EPHA7: variants seen among roughly 807,000 people sequenced by gnomAD.
The protein encoded by EPHA7 is ephrin type-A receptor 7.
Under a neutral mutation model 112.6 loss-of-function variants are expected in EPHA7, and 25 were observed. The ratio of observed to expected loss-of-function variants is 0.22; its 90% CI spans 0.16 to 0.31. The LOEUF (loss-of-function observed/expected upper bound fraction) is 0.31. Ranked by LOEUF, EPHA7 falls within the 10% of genes least tolerant of loss-of-function variation. EPHA7 has a pLI of 1.00. For missense variants in EPHA7, 962 were observed against 1,212.6 expected (o/e 0.79, Z 3.07); for synonymous variants, 437 against 406.5 (o/e 1.07, Z -0.90).
At chr6:93,396,694 C>T (rs1778190801) in intron 3 of EPHA7, among the ~76,000 whole-genome samples, 2 of 151,778 alleles carry the variant, frequency 1.3e-5, no homozygotes, top group African/African-American at 4.8e-5. Context: ...TGTAACTCAG[C>T]TCTAAAGTAC....
At chr6:93,377,065 T>G (rs551509062) in intron 3 of EPHA7, among the ~76,000 whole-genome samples, 1 of 152,340 alleles carries the variant, frequency 6.6e-6, no homozygotes, top group Non-Finnish European at 1.5e-5. Flanking sequence ...ATATAATTTC[T>G]AACTCTCCAG....
At chr6:93,246,413 TTAAA>T (rs1390649217) in intron 15 of EPHA7, among the ~76,000 whole-genome samples, 2 of 152,262 alleles carry the variant, frequency 1.3e-5, no homozygotes, top group Non-Finnish European at 2.9e-5. Flanking sequence ...AGCAAAACAG[TTAAA>T]TAGATACTAT....
At chr6:93,290,938 A>G (rs542502026) in intron 5 of EPHA7, among the ~76,000 whole-genome samples, 1 of 152,306 alleles carries the variant, frequency 6.6e-6, no homozygotes, top group South Asian at 2.1e-4. Context: ...AACAAAAAAT[A>G]CAGCTGCAAA....
At position 93,311,114 on chromosome 6, in the gene EPHA7, A is replaced by ATTTTTTTTTTTTTTTTTTTTTTTTT. The variant is rs71542009; in HGVS notation, c.1325-38717_1325-38693dup. On this transcript the variant is annotated intron_variant, in intron 5 of 16. Coordinates refer to ENST00000369303, the MANE Select transcript of EPHA7 (RefSeq NM_004440.4). ...ACAGGCATGTGCATCATGCCCAGCT[A>ATTTTTTTTTTTTTTTTTTTTTTTTT]TTTTTTTTTTTTTTTTTTTTTTTTT... Among the ~76,000 whole-genome samples the ATTTTTTTTTTTTTTTTTTTTTTTTT allele has an allele frequency of 7.6e-5, 6 of 78,510 alleles. 1 individual carries two copies. The highest frequency in any genetic ancestry group is 1.8e-4 in the African/African-American group (3 of 17,022). 51.5% of individuals were successfully genotyped at this position (78,510 alleles called of 152,430 possible). A position where few individuals can be genotyped will look rare whatever the true frequency, so the allele number is the denominator to read the frequency against.
intron 3 of EPHA7, among the ~76,000 whole-genome samples, chr6:93,403,747 T>C (rs1199143157): frequency 3.3e-5 from 5 of 151,580 alleles, no homozygotes; most frequent in African/African-American, 7.3e-5. Context: ...AGGCAGAATT[T>C]CTACAACCGG....
chr6:93,315,125 G>C (rs761394368), intron 5 of EPHA7, among the ~76,000 whole-genome samples: 2 of 150,178 alleles, frequency 1.3e-5, no homozygotes, highest in African/African-American at 5.0e-5. Flanking sequence ...GCCTCCCAAA[G>C]TGCTGGGATT....
At chr6:93,404,638 C>T (rs1449546436) in intron 3 of EPHA7, among the ~76,000 whole-genome samples, 1 of 144,476 alleles carries the variant, frequency 6.9e-6, no homozygotes, top group African/African-American at 2.6e-5. Context: ...TATATATATA[C>T]ACACATGTTT....
chr6:93,340,988 C>A (rs1300070729), intron 5 of EPHA7, among the ~76,000 whole-genome samples: 1 of 151,894 alleles, frequency 6.6e-6, no homozygotes, highest in East Asian at 1.9e-4. Context: ...GGCTCACCTG[C>A]ATAGGAATGA....
chr6:93,257,561 T>C (rs1251528657), intron 11 of EPHA7, 38 bp from the exon 12 acceptor site: 2 of 1,393,690 alleles, frequency 1.4e-6, no homozygotes, highest in African/African-American at 2.9e-5. Context: ...AGTCGTAACC[T>C]GAGCTGGAGG....
intron 6 of EPHA7, 73 bp downstream of exon 6, chr6:93,272,225 T>C (rs1771258273): frequency 6.4e-7 from 1 of 1,551,852 alleles, no homozygotes; most frequent in East Asian, 2.3e-5. Flanking sequence ...AATGACCAAC[T>C]TTAGTCTACA....
At chr6:93,298,573 A>G (rs1162391033) in intron 5 of EPHA7, among the ~76,000 whole-genome samples, 1 of 152,174 alleles carries the variant, frequency 6.6e-6, no homozygotes, top group Admixed American at 6.5e-5. Context: ...TAAATCAGTA[A>G]AGAGGCCTAA....
intron 5 of EPHA7, among the ~76,000 whole-genome samples, chr6:93,288,356 A>T (rs1277509586): frequency 6.6e-6 from 1 of 152,200 alleles, no homozygotes; most frequent in Non-Finnish European, 1.5e-5. Flanking sequence ...TCTAGAACAG[A>T]CAATTTTAGA....
chr6:93,309,614 T>A (rs563583411), intron 5 of EPHA7, among the ~76,000 whole-genome samples: 1 of 152,258 alleles, frequency 6.6e-6, no homozygotes, highest in Admixed American at 6.5e-5. Flanking sequence ...ATCTATTTTT[T>A]GAATTTCATA....
intron 5 of EPHA7, among the ~76,000 whole-genome samples, chr6:93,330,290 G>C (rs184074543): frequency 1.1e-4 from 17 of 151,228 alleles, no homozygotes; most frequent in Non-Finnish European, 1.9e-4. Flanking sequence ...TCATTTCCTT[G>C]TGCTGGGAAC....
At chr6:93,341,510 G>A (rs1173135968) in intron 5 of EPHA7, among the ~76,000 whole-genome samples, 1 of 151,602 alleles carries the variant, frequency 6.6e-6, no homozygotes, top group Non-Finnish European at 1.5e-5. Flanking sequence ...TAAAAAGTGA[G>A]GTATCTATTA....
At chr6:93,308,570 C>T (rs1040415054) in intron 5 of EPHA7, among the ~76,000 whole-genome samples, 3 of 151,788 alleles carry the variant, frequency 2.0e-5, no homozygotes, top group Non-Finnish European at 4.4e-5. Context: ...ATCTTACTTA[C>T]GTGTTTATTT....
At position 93,356,829 on chromosome 6, in the gene EPHA7, G is replaced by T; in HGVS notation, c.1212C>A (p.Asp404Glu). 1 of 1,614,154 alleles carries T rather than the reference G, an allele frequency of 6.2e-7. No homozygotes were observed. The highest frequency in any genetic ancestry group is 8.5e-7 in the Non-Finnish European group (1 of 1,180,010). The change falls in exon 5 of 17, where the codon GAC becomes GAA. Residue 404 changes from aspartate to glutamate, a missense_variant. Around this residue, in one of 3 missense-constraint regions of EPHA7, gnomAD observed 746 missense variants for 889.2 expected, o/e 0.84. Transcript: ENST00000369303. ...GLEDNYVTVMDLLAHANYTFE... is the reference protein window; with the variant it reads ...GLEDNYVTVMELLAHANYTFE... ...AAGTATAATTAGCGTGGGCTAGCAG[G>T]TCCATGACAGTGACATAGTTATCCT...
intron 3 of EPHA7, among the ~76,000 whole-genome samples, chr6:93,387,227 T>C (rs916159729): frequency 6.6e-6 from 1 of 152,076 alleles, no homozygotes; most frequent in Admixed American, 6.6e-5. Flanking sequence ...TCTCCCAAGT[T>C]CAAAGTTCCA....
At position 93,410,670 on chromosome 6, in the gene EPHA7, A is replaced by G; in HGVS notation, c.663T>C (p.Gly221=). Reference sequence around the variant, plus strand: ...CCTCGACTAAAGAGGAAAATTCTGAACCAGTCACTGTATCTGGAAAGATAG... The same window carrying G: ...CCTCGACTAAAGAGGAAAATTCTGAGCCAGTCACTGTATCTGGAAAGATAG... ...NLAIFPDTVT[G]SEFSSLVEVR... is the part of the protein sequence containing the mutation. The change falls in exon 3 of 17, where the codon GGT becomes GGC. Residue 221 remains glycine, a synonymous_variant. Coordinates refer to ENST00000369303, the MANE Select transcript of EPHA7 (RefSeq NM_004440.4). The surrounding 1 kb of genome is among the most constrained non-coding windows in gnomAD (Gnocchi z 4.0). The G allele has an allele frequency of 6.2e-7, 1 of 1,614,034 alleles. No individual in the cohort carries two copies.
Sources: gnomAD v4.1 joint callset for allele counts (sites outside exome capture counted in the v4.1 genomes callset) on GRCh38, gnomAD v4.1.1 for gene constraint, gnomAD v4.1.1 regional missense constraint, Gnocchi (gnomAD v3.1) non-coding constraint, MANE v1.5 for transcripts, NCBI Gene and HGNC (gene_info 2026-07-23, HGNC 2026-07-21) for gene names.